Variants in SPMIP3 observed in about 807,000 individuals in gnomAD.
SPMIP3 encodes the protein sperm microtubule inner protein 3.
At chr1:244,366,255 A>G in the SPMIP3 span, among the ~76,000 whole-genome samples, 18 of 152,096 alleles carry the variant, frequency 1.2e-4, no homozygotes, top group South Asian at 2.1e-4. Context: ...GCTCAGTCCA[A>G]CTTCAAACTC....
At chr1:244,369,534 G>A in the SPMIP3 span, among the ~76,000 whole-genome samples, 3 of 152,180 alleles carry the variant, frequency 2.0e-5, no homozygotes, top group Non-Finnish European at 4.4e-5. Flanking sequence ...GAGGTTAAGA[G>A]CGGAGGTTTA....
the SPMIP3 span, among the ~76,000 whole-genome samples, chr1:244,382,600 GTTTTT>G: frequency 5.7e-5 from 6 of 106,070 alleles, no homozygotes; most frequent in African/African-American, 2.0e-4. Context: ...TCTGGCTGCT[GTTTTT>G]TTTTTTTTTT....
At chr1:244,360,139 G>A in the SPMIP3 span, among the ~76,000 whole-genome samples, 1 of 151,956 alleles carries the variant, frequency 6.6e-6, no homozygotes. Context: ...CTAATCATCA[G>A]AAAAATGCAA....
chr1:244,353,875 C>T, the SPMIP3 span, among the ~76,000 whole-genome samples: 2 of 152,136 alleles, frequency 1.3e-5, no homozygotes, highest in Admixed American at 6.5e-5. Context: ...AGCCTCTCAT[C>T]GCACAGGCTC....
At chr1:244,368,793 G>A in the SPMIP3 span, among the ~76,000 whole-genome samples, 5 of 152,196 alleles carry the variant, frequency 3.3e-5, no homozygotes, top group African/African-American at 1.2e-4. Flanking sequence ...AGAAAACTGA[G>A]GTTTTGGGAC....
the SPMIP3 span, among the ~76,000 whole-genome samples, chr1:244,372,234 C>G: frequency 3.3e-5 from 5 of 152,198 alleles, no homozygotes; most frequent in Non-Finnish European, 5.9e-5. Context: ...ATCACTATTT[C>G]AGCATGTGAA....
chr1:244,384,411 C>G, the SPMIP3 span, among the ~76,000 whole-genome samples: 1 of 152,074 alleles, frequency 6.6e-6, no homozygotes, highest in African/African-American at 2.4e-5. Flanking sequence ...ACTATGTTGC[C>G]CAGGCTGGTC....
the SPMIP3 span, among the ~76,000 whole-genome samples, chr1:244,362,705 C>T: frequency 6.6e-6 from 1 of 152,140 alleles, no homozygotes. Flanking sequence ...CATGTTTGTG[C>T]AAACCATAGG....
the SPMIP3 span, among the ~76,000 whole-genome samples, chr1:244,365,753 A>G: frequency 3.0e-4 from 45 of 152,296 alleles, no homozygotes; most frequent in South Asian, 1.0e-3. Context: ...CCAAATTCCC[A>G]AAAGACCAGA....
chr1:244,374,831 C>G, the SPMIP3 span, among the ~76,000 whole-genome samples: 1 of 151,996 alleles, frequency 6.6e-6, no homozygotes, highest in South Asian at 2.1e-4. Flanking sequence ...CTCCTGACCC[C>G]AAGTGATCCA....
the SPMIP3 span, among the ~76,000 whole-genome samples, chr1:244,358,066 C>T: frequency 6.6e-6 from 1 of 150,908 alleles, no homozygotes; most frequent in Non-Finnish European, 1.5e-5. Context: ...CTACTAAAAA[C>T]GAAAATAAAA....
the SPMIP3 span, among the ~76,000 whole-genome samples, chr1:244,387,630 T>C: frequency 6.6e-6 from 1 of 152,134 alleles, no homozygotes; most frequent in Non-Finnish European, 1.5e-5. Flanking sequence ...GCAAAAGGGA[T>C]GGTGAAATAG....
the SPMIP3 span, among the ~76,000 whole-genome samples, chr1:244,370,448 C>G: frequency 6.6e-6 from 1 of 152,162 alleles, no homozygotes; most frequent in Non-Finnish European, 1.5e-5. Context: ...TAGCACTCAC[C>G]ACATCGTCTG....
chr1:244,355,967 T>C, the SPMIP3 span, among the ~76,000 whole-genome samples: 1 of 152,268 alleles, frequency 6.6e-6, no homozygotes, highest in African/African-American at 2.4e-5. Flanking sequence ...TTTTTATTTA[T>C]CTAGAAATAT....
chr1:244,360,879 G>A, the SPMIP3 span, among the ~76,000 whole-genome samples: 5 of 73,978 alleles, frequency 6.8e-5, no homozygotes, highest in East Asian at 7.4e-4. Context: ...GTGAGACTCC[G>A]TCTCAAAAAA....
chr1:244,380,725 C>A, the SPMIP3 span, among the ~76,000 whole-genome samples: 1 of 152,134 alleles, frequency 6.6e-6, no homozygotes, highest in Non-Finnish European at 1.5e-5. Flanking sequence ...TAAAGAGTGT[C>A]TCTTTCCATT....
At chr1:244,383,946 G>A in the SPMIP3 span, among the ~76,000 whole-genome samples, 1 of 152,094 alleles carries the variant, frequency 6.6e-6, no homozygotes, top group African/African-American at 2.4e-5. Flanking sequence ...ATTTTGTGAG[G>A]GATAAAAGAC....
At chr1:244,382,515 G>A in the SPMIP3 span, among the ~76,000 whole-genome samples, 2 of 151,878 alleles carry the variant, frequency 1.3e-5, no homozygotes, top group Admixed American at 1.3e-4. Flanking sequence ...TTTATTCTAC[G>A]AGCAATGGTA....
At chr1:244,384,744 C>G in the SPMIP3 span, among the ~76,000 whole-genome samples, 7 of 152,102 alleles carry the variant, frequency 4.6e-5, no homozygotes, top group African/African-American at 1.7e-4. Flanking sequence ...TTGAGAGATG[C>G]TTAGGTGGCA....
Sources: allele counts gnomAD v4.1 joint callset (sites outside exome capture counted in the v4.1 genomes callset), GRCh38; gene constraint gnomAD v4.1.1; transcripts MANE v1.5; gene names NCBI Gene and HGNC (gene_info 2026-07-23, HGNC 2026-07-21).